The following PCBP2 variants were observed in gnomAD, a reference collection of about 807,000 sequenced individuals.
PCBP2 encodes poly(rC)-binding protein 2.
Under a neutral mutation model 50.1 loss-of-function variants are expected in PCBP2, and 4 were observed. The observed-to-expected ratio is 0.08, with a 90% CI of 0.04 to 0.18. The LOEUF (loss-of-function observed/expected upper bound fraction) is 0.18, where lower values mean the gene tolerates loss of function less well. Ranked by LOEUF, PCBP2 falls within the 10% of genes least tolerant of loss-of-function variation. The pLI is 1.00. For synonymous variants in PCBP2, 179 were observed against 168.0 expected, an observed-to-expected ratio of 1.07 and a Z score of -0.51; for missense variants, 161 against 474.3, an observed-to-expected ratio of 0.34 and a Z score of 6.14.
intron 5 of PCBP2, among the ~76,000 whole-genome samples, chr12:53,457,504 T>C (rs1231138296): frequency 6.6e-6 from 1 of 152,056 alleles, no homozygotes; most frequent in Non-Finnish European, 1.5e-5. Context: ...AACCACCATG[T>C]CTGGCTAGTT....
At chr12:53,469,022 C>A (rs1343078915) in intron 13 of PCBP2, among the ~76,000 whole-genome samples, 190 bp downstream of exon 13, 1 of 150,714 alleles carries the variant, frequency 6.6e-6, no homozygotes, top group Non-Finnish European at 1.5e-5. Flanking sequence ...CCTGCCTCAA[C>A]CTCCTGAGTA....
chr12:53,454,614 C>T (rs1940851194), intron 1 of PCBP2, 112 bp from the exon 2 acceptor site: 2 of 604,492 alleles, frequency 3.3e-6, no homozygotes, highest in Admixed American at 2.7e-5. Context: ...GTCTGACATA[C>T]TGTCATTTAA....
intron 7 of PCBP2, among the ~76,000 whole-genome samples, chr12:53,461,897 C>T (rs563052341): frequency 4.6e-5 from 7 of 152,066 alleles, no homozygotes; most frequent in South Asian, 4.2e-4. Context: ...TTTGTAGAGA[C>T]GGGATTTTGC....
At position 53,465,982 on chromosome 12, in the gene PCBP2, T is replaced by A; in HGVS notation, c.714+9T>A. On this transcript the variant is annotated intron_variant, in intron 10 of 14. Coordinates refer to ENST00000546463, the MANE Select transcript of PCBP2 (RefSeq NM_031989.5). ...CCATTCCACAGCCAGATGTAAGTTTTGTTTTCACTTCTTGTTTTGAAAAGC... is the reference window on the plus strand; with the variant it reads ...CCATTCCACAGCCAGATGTAAGTTTAGTTTTCACTTCTTGTTTTGAAAAGC... 6.2e-7 allele frequency: 1 copy of A among 1,613,290 alleles called. No individual in the cohort carries two copies. The highest frequency in any genetic ancestry group is 8.5e-7 in the Non-Finnish European group (1 of 1,179,214).
intron 4 of PCBP2, 59 bp from the exon 5 acceptor site, chr12:53,455,826 C>T: frequency 2.6e-6 from 3 of 1,138,490 alleles, no homozygotes; most frequent in East Asian, 2.3e-5. Context: ...GACTGTAGAT[C>T]CTGTACATAC....
At chr12:53,464,262 T>C (rs961743441) in intron 8 of PCBP2, among the ~76,000 whole-genome samples, 2 of 152,034 alleles carry the variant, frequency 1.3e-5, no homozygotes, top group Non-Finnish European at 2.9e-5. Flanking sequence ...TCCTTTTTTT[T>C]CCACTCCCCA....
At position 53,479,392 on chromosome 12, in the gene PCBP2, T is replaced by C. The variant is rs757707262; in HGVS notation, c.1053-14T>C. The C allele has an allele frequency of 9.3e-6, 15 of 1,613,664 alleles. No homozygotes were observed. ...ACTGGGGAAACTAACTGAGTTCTTG[T>C]TTCTGTGTTACAGGCTTTCCTCGGA... is the stretch of plus-strand genomic sequence containing the variant. On this transcript the variant is annotated splice_polypyrimidine_tract_variant and intron_variant, in intron 14 of 14. Coordinates refer to ENST00000546463, the MANE Select transcript of PCBP2 (RefSeq NM_031989.5).
chr12:53,468,765 T>A lies in PCBP2; in HGVS notation c.827-12T>A. 6.2e-7 allele frequency: 1 copy of A among 1,609,534 alleles called. No homozygotes were observed. Among genetic ancestry groups the A allele is most frequent in the South Asian group, 1.1e-5 (1 of 90,942 alleles). ...TGTGCATTGAATTTGCTTGCTCTCTTCTGTCTTTTAGCAGGTTTGGATGCA... is the reference window on the plus strand; with the variant it reads ...TGTGCATTGAATTTGCTTGCTCTCTACTGTCTTTTAGCAGGTTTGGATGCA... On this transcript the variant is annotated splice_polypyrimidine_tract_variant and intron_variant, in intron 12 of 14. Transcript: ENST00000546463.
rs1178856903 is a variant in PCBP2 at position 53,480,890 on chromosome 12, A to C, written c.*1448A>C. On this transcript the variant is annotated 3_prime_UTR_variant, in exon 15 of 15. Transcript: ENST00000546463. ...TTTGGGGATAAAGAATATAAAGACA[A>C]CCCTGGCTTTTCTATTGCCTTGTTG... is the stretch of plus-strand genomic sequence containing the variant. The C allele has an allele frequency of 6.5e-6, 1 of 153,162 alleles. No individual in the cohort carries two copies. The allele number at this position is 153,162 out of a possible 1,614,324, so 9.5% of individuals were successfully genotyped here. A position where few individuals can be genotyped will look rare whatever the true frequency, so the allele number is the denominator to read the frequency against.
intron 8 of PCBP2, among the ~76,000 whole-genome samples, chr12:53,463,602 A>G (rs1390089613): frequency 6.6e-6 from 1 of 152,206 alleles, no homozygotes; most frequent in African/African-American, 2.4e-5. Flanking sequence ...GTACTATACC[A>G]TTTTATGTAA....
chr12:53,454,482 C>A (rs1330991857), intron 1 of PCBP2: 4 of 275,852 alleles, frequency 1.5e-5, no homozygotes, highest in African/African-American at 8.9e-5. Flanking sequence ...GAACCTTGTT[C>A]ATCCTGAGAG....
At chr12:53,467,085 C>T in intron 10 of PCBP2, 136 bp from the exon 11 acceptor site, 1 of 638,420 alleles carries the variant, frequency 1.6e-6, no homozygotes, top group African/African-American at 1.8e-5. Context: ...GATGCAAGCC[C>T]CATCCCTACC....
intron 13 of PCBP2, among the ~76,000 whole-genome samples, chr12:53,469,826 C>T (rs1195993798): frequency 6.8e-6 from 1 of 147,784 alleles, no homozygotes; most frequent in Non-Finnish European, 1.5e-5. Context: ...ACTGTGACCT[C>T]CGTCTCCTGG....
At chr12:53,464,678 A>G (rs952002455) in intron 8 of PCBP2, 82 bp from the exon 9 acceptor site, 15 of 1,544,148 alleles carry the variant, frequency 9.7e-6, no homozygotes, top group African/African-American at 2.8e-5. Context: ...AAAATAAACA[A>G]CTTTTTTTGT....
Position 53,457,585 on chromosome 12 carries a change from A to G in PCBP2, c.243+1584A>G, listed in dbSNP as rs556169731. 2.2e-3 allele frequency among the ~76,000 whole-genome samples: 331 copies of G among 151,144 alleles called. 3 individuals are homozygous for G. Among genetic ancestry groups the G allele is most frequent in the African/African-American group, 7.5e-3 (309 of 41,052 alleles). On this transcript the variant is annotated intron_variant, in intron 5 of 14. Transcript: ENST00000546463. ...CGTCTTGAACTCTTGGGCTCAAGCA[A>G]TCCTCCTGTCTCAGCCTCCCAAAGT... is the stretch of plus-strand genomic sequence containing the variant.
intron 7 of PCBP2, among the ~76,000 whole-genome samples, chr12:53,461,861 C>T (rs942729595): frequency 6.6e-6 from 1 of 152,092 alleles, no homozygotes; most frequent in Non-Finnish European, 1.5e-5. Context: ...GCATGCGCCA[C>T]CACACCTGGC....
At chr12:53,455,522 C>T (rs769204240) in intron 4 of PCBP2, 29 bp downstream of exon 4, 61 of 1,609,422 alleles carry the variant, frequency 3.8e-5, no homozygotes, top group South Asian at 7.7e-5. Context: ...AGATTGTTAA[C>T]TTTGGGAAGT....
At chr12:53,461,510 A>G (rs891750223) in intron 7 of PCBP2, among the ~76,000 whole-genome samples, 4 of 152,210 alleles carry the variant, frequency 2.6e-5, no homozygotes, top group Non-Finnish European at 5.9e-5. Flanking sequence ...CATGTTCTTT[A>G]ACAACTTGTC....
At position 53,469,007 on chromosome 12, in the gene PCBP2, A is replaced by G. The variant is rs564177075; in HGVS notation, c.882+175A>G. On this transcript the variant is annotated intron_variant, in intron 13 of 14. Coordinates refer to ENST00000546463, the MANE Select transcript of PCBP2 (RefSeq NM_031989.5). ...AGCCTCCGCCTCCCGGGTTCAACCA[A>G]TTCTCCTGCCTCAACCTCCTGAGTA... Among the ~76,000 whole-genome samples, 92 of 151,028 alleles carry G rather than the reference A, an allele frequency of 6.1e-4. 3 individuals carry two copies. Among genetic ancestry groups the G allele is most frequent in the South Asian group, 1.7e-3 (8 of 4,778 alleles).
Sources: allele counts gnomAD v4.1 joint callset (sites outside exome capture counted in the v4.1 genomes callset), GRCh38; gene constraint gnomAD v4.1.1; transcripts MANE v1.5; gene names NCBI Gene and HGNC (gene_info 2026-07-23, HGNC 2026-07-21).